CNBD1: variants seen among roughly 807,000 people sequenced by gnomAD.
The protein encoded by CNBD1 is cyclic nucleotide-binding domain-containing protein 1.
A neutral mutation model predicts 54.4 loss-of-function variants in CNBD1; 71 were observed. The ratio of observed to expected loss-of-function variants is 1.30; its 90% CI spans 1.08 to 1.59. The LOEUF is 1.59. Among genes scored for constraint, CNBD1 ranks in the 40% most tolerant of loss-of-function variants. CNBD1 has a pLI of 0.00. For missense variants in CNBD1, 659 were observed against 518.0 expected (o/e 1.27, Z -2.64); for synonymous variants, 182 against 170.7 (o/e 1.07, Z -0.51).
chr8:87,105,698 T>C (rs1164964965), intron 4 of CNBD1, among the ~76,000 whole-genome samples: 1 of 152,080 alleles, frequency 6.6e-6, no homozygotes, highest in Non-Finnish European at 1.5e-5. Context: ...CTACAGATTA[T>C]ATATTTAGGC....
At chr8:87,404,269 T>C (rs1448774446) in intron 2 of CNBD1, among the ~76,000 whole-genome samples, 2 of 152,060 alleles carry the variant, frequency 1.3e-5, no homozygotes, top group African/African-American at 4.8e-5. Context: ...ATTGAATTAG[T>C]AGTTTTGTGA....
intron 4 of CNBD1, among the ~76,000 whole-genome samples, chr8:86,982,166 G>C (rs1242672625): frequency 1.3e-5 from 2 of 152,058 alleles, no homozygotes; most frequent in Non-Finnish European, 2.9e-5. Context: ...TAATGATGTT[G>C]AACATGTTTT....
intron 4 of CNBD1, among the ~76,000 whole-genome samples, chr8:86,957,113 T>C (rs1001207613): frequency 4.6e-5 from 7 of 152,226 alleles, no homozygotes; most frequent in Admixed American, 1.3e-4. Flanking sequence ...TGGTTCTGTT[T>C]ATATGATGGA....
intron 4 of CNBD1, among the ~76,000 whole-genome samples, chr8:86,989,304 A>AATACATACATACGTAC (rs1554637047): frequency 2.0e-5 from 3 of 149,144 alleles, no homozygotes; most frequent in African/African-American, 5.0e-5. Flanking sequence ...AAAACAAATA[A>AATACATACATACGTAC]ATACATACAT....
At chr8:87,390,119 A>T (rs1278867671) in intron 2 of CNBD1, among the ~76,000 whole-genome samples, 1 of 151,462 alleles carries the variant, frequency 6.6e-6, no homozygotes, top group East Asian at 1.9e-4. Flanking sequence ...AAAGACTTAA[A>T]CGTTAGACCT....
chr8:86,952,139 C>T (rs534652338), intron 4 of CNBD1, among the ~76,000 whole-genome samples: 11 of 152,250 alleles, frequency 7.2e-5, no homozygotes, highest in African/African-American at 1.7e-4. Flanking sequence ...TACTTTTCTG[C>T]GCCAAACCAA....
At chr8:87,354,674 G>T (rs979506996) in intron 10 of CNBD1, among the ~76,000 whole-genome samples, 1 of 150,822 alleles carries the variant, frequency 6.6e-6, no homozygotes, top group Non-Finnish European at 1.5e-5. Context: ...TTTTGTCCTT[G>T]TGATAGTTTG....
At chr8:87,347,932 A>T (rs1308216353) in intron 8 of CNBD1, among the ~76,000 whole-genome samples, 2 of 152,154 alleles carry the variant, frequency 1.3e-5, no homozygotes, top group African/African-American at 2.4e-5. Context: ...TATTTTAGTA[A>T]GTTCTTTGGA....
intron 4 of CNBD1, among the ~76,000 whole-genome samples, chr8:87,203,385 C>T (rs1287079678): frequency 6.6e-6 from 1 of 152,170 alleles, no homozygotes; most frequent in Non-Finnish European, 1.5e-5. Flanking sequence ...AACAAATGCA[C>T]ATACACATTC....
At chr8:87,117,398 CAA>C (rs57622902) in intron 4 of CNBD1, among the ~76,000 whole-genome samples, 11 of 107,220 alleles carry the variant, frequency 1.0e-4, no homozygotes, top group Non-Finnish European at 1.1e-4. Context: ...GATTCCGTCT[CAA>C]AAAAAAAAAA....
intron 2 of CNBD1, among the ~76,000 whole-genome samples, chr8:86,904,423 G>C (rs1299623758): frequency 6.6e-6 from 1 of 152,002 alleles, no homozygotes; most frequent in Non-Finnish European, 1.5e-5. Flanking sequence ...GCTATTCTCT[G>C]AATCTTGCTT....
chr8:87,131,685 A>AT (rs1586277562), intron 4 of CNBD1, among the ~76,000 whole-genome samples: 2 of 151,964 alleles, frequency 1.3e-5, no homozygotes, highest in South Asian at 2.1e-4. Flanking sequence ...TGATCCATAG[A>AT]TTTTTTTGTT....
intron 2 of CNBD1, among the ~76,000 whole-genome samples, chr8:87,397,469 A>C (rs560476530): frequency 6.6e-6 from 1 of 151,944 alleles, no homozygotes; most frequent in African/African-American, 2.4e-5. Context: ...AATGTTGATG[A>C]AATATAACTT....
rs1563505661 is a variant in CNBD1, at chr8:87,201,979, ATAGT to A, written c.432-4012_432-4009del. On this transcript the variant is annotated intron_variant, in intron 4 of 10. Transcript: ENST00000518476. The stretch of plus-strand genomic sequence containing the variant: ...TTAATATTGGTAACAGACATCCAAC[ATAGT>A]TTGTTTGATAGAAGTTCAGCATTTA... Among the ~76,000 whole-genome samples, 4 of 152,272 alleles carry A rather than the reference ATAGT, an allele frequency of 2.6e-5. No homozygotes were observed. The South Asian group carries it at 6.2e-4, about 24-fold the overall frequency.
intron 8 of CNBD1, among the ~76,000 whole-genome samples, chr8:87,344,437 A>C (rs991599447): frequency 6.6e-6 from 1 of 152,106 alleles, no homozygotes. Flanking sequence ...GTTTCAAAAA[A>C]TAATTTTTAA....
At chr8:87,223,165 A>G (rs1814381162) in intron 5 of CNBD1, among the ~76,000 whole-genome samples, 1 of 149,612 alleles carries the variant, frequency 6.7e-6, no homozygotes, top group South Asian at 2.1e-4. Flanking sequence ...TGCCATACGT[A>G]TTTAATCTAT....
At chr8:87,209,038 A>G (rs771637499) in intron 5 of CNBD1, among the ~76,000 whole-genome samples, 1 of 152,086 alleles carries the variant, frequency 6.6e-6, no homozygotes, top group Non-Finnish European at 1.5e-5. Flanking sequence ...CTAGACATCA[A>G]TTAACCATAA....
chr8:87,407,417 T>G (rs1471574704), intron 2 of CNBD1, among the ~76,000 whole-genome samples: 1 of 152,074 alleles, frequency 6.6e-6, no homozygotes, highest in Non-Finnish European at 1.5e-5. Flanking sequence ...ATTGGTGGTG[T>G]TCTAGTTTGT....
At position 87,382,696 on chromosome 8, in the gene CNBD1, G is replaced by T. The variant is rs1811105422; in HGVS notation, c.*69G>T. ...CTAAATAATGGAATAATTGCATTCTGGAATACTATCAAACTACCAGCAATG... is the reference window on the plus strand; with the variant it reads ...CTAAATAATGGAATAATTGCATTCTTGAATACTATCAAACTACCAGCAATG... On this transcript the variant is annotated 3_prime_UTR_variant, in exon 11 of 11. Coordinates refer to ENST00000518476, the MANE Select transcript of CNBD1 (RefSeq NM_173538.3). 8.6e-7 allele frequency: 1 copy of T among 1,166,684 alleles called. No homozygotes were observed. 72.3% of individuals were successfully genotyped at this position (1,166,684 alleles called of 1,614,324 possible). A position where few individuals can be genotyped will look rare whatever the true frequency, so the allele number is the denominator to read the frequency against.
Sources: allele counts gnomAD v4.1 joint callset (sites outside exome capture counted in the v4.1 genomes callset), GRCh38; gene constraint gnomAD v4.1.1; transcripts MANE v1.5; gene names NCBI Gene and HGNC (gene_info 2026-07-23, HGNC 2026-07-21).